The following ENOPH1 variants were observed in gnomAD, a reference collection of about 807,000 sequenced individuals.
ENOPH1 encodes enolase-phosphatase E1.
In ENOPH1, 14 loss-of-function variants were observed where a neutral mutation model predicts 31.1. The ratio of observed to expected loss-of-function variants is 0.45; its 90% CI spans 0.30 to 0.70. The LOEUF (loss-of-function observed/expected upper bound fraction) is 0.70, where lower values mean the gene tolerates loss of function less well. Among genes scored for constraint, ENOPH1 ranks in the 30% least tolerant of loss-of-function variants. The pLI is 0.09. For synonymous variants in ENOPH1, 127 were observed against 123.2 expected (o/e 1.03, Z -0.21); for missense variants, 243 against 321.5 (o/e 0.76, Z 1.87).
chr4:82,449,232 T>A (rs1006820786), intron 2 of ENOPH1, among the ~76,000 whole-genome samples: 2 of 152,142 alleles, frequency 1.3e-5, no homozygotes, highest in Non-Finnish European at 2.9e-5. Flanking sequence ...AGAGCAAGAC[T>A]CCGTCTCAAA....
intron 5 of ENOPH1, among the ~76,000 whole-genome samples, chr4:82,459,098 T>C (rs890610223): frequency 6.6e-6 from 1 of 152,166 alleles, no homozygotes; most frequent in Admixed American, 6.5e-5. Context: ...TATATATATA[T>C]TCCAGATTTC....
chr4:82,440,068 A>G (rs953796005), intron 1 of ENOPH1, among the ~76,000 whole-genome samples: 3 of 152,190 alleles, frequency 2.0e-5, no homozygotes, highest in African/African-American at 7.2e-5. Context: ...TTTGGGGATC[A>G]TTAGTATAAA....
chr4:82,436,017 A>G (rs1177701668), intron 1 of ENOPH1, among the ~76,000 whole-genome samples: 1 of 152,196 alleles, frequency 6.6e-6, no homozygotes, highest in Non-Finnish European at 1.5e-5. Flanking sequence ...GAGGAAATAG[A>G]AAGTGCTTAT....
chr4:82,456,960 A>G lies in ENOPH1; in HGVS notation c.568A>G (p.Ser190Gly). The G allele has an allele frequency of 6.2e-7, 1 of 1,614,132 alleles. No homozygotes were observed. Among genetic ancestry groups the G allele is most frequent in the Non-Finnish European group, 8.5e-7 (1 of 1,180,000 alleles). The change falls in exon 5 of 6, where the codon AGT (serine) becomes GGT (glycine). Residue 190 changes from serine (S) to glycine (G), a missense_variant. Ser to Gly is a moderately conservative substitution (Grantham distance 56). Coordinates refer to ENST00000273920, the MANE Select transcript of ENOPH1 (RefSeq NM_021204.5). ...FDTKIGHKVE[S>G]ESYRKIADSI... ...TACCAAGATTGGACACAAAGTAGAG[A>G]GTGAAAGTTACCGAAAGATTGCAGA...
intron 4 of ENOPH1, among the ~76,000 whole-genome samples, chr4:82,455,626 A>C (rs563849161): frequency 4.4e-5 from 1 of 22,926 alleles, no homozygotes; most frequent in Non-Finnish European, 6.5e-5. Flanking sequence ...TAAAAATACA[A>C]AAAAAAAAAA....
At chr4:82,431,713 G>A (rs1310371078) in intron 1 of ENOPH1, among the ~76,000 whole-genome samples, 1 of 152,092 alleles carries the variant, frequency 6.6e-6, no homozygotes, top group Admixed American at 6.5e-5. Context: ...CTCGGGCCTT[G>A]TCTTTTTATT....
At chr4:82,450,045 T>C (rs1722307569) in intron 2 of ENOPH1, among the ~76,000 whole-genome samples, 1 of 152,236 alleles carries the variant, frequency 6.6e-6, no homozygotes, top group Admixed American at 6.5e-5. Context: ...GCAGTTATTT[T>C]CTAGTTCTAT....
At chr4:82,441,661 A>G (rs1186073628) in intron 1 of ENOPH1, among the ~76,000 whole-genome samples, 3 of 151,990 alleles carry the variant, frequency 2.0e-5, no homozygotes, top group Non-Finnish European at 4.4e-5. Flanking sequence ...AGTAAAAACC[A>G]TCAGATCTTG....
intron 1 of ENOPH1, among the ~76,000 whole-genome samples, chr4:82,445,378 C>T (rs1462652680): frequency 6.6e-6 from 1 of 152,190 alleles, no homozygotes; most frequent in Admixed American, 6.5e-5. Flanking sequence ...TTGATTATTT[C>T]ATGTACATAC....
intron 1 of ENOPH1, among the ~76,000 whole-genome samples, chr4:82,434,894 G>T (rs1057168127): frequency 6.8e-6 from 1 of 147,048 alleles, no homozygotes; most frequent in South Asian, 2.1e-4. Context: ...GTGACAGAGC[G>T]AGACTGTCTT....
At chr4:82,438,638 C>T (rs1578094016) in intron 1 of ENOPH1, among the ~76,000 whole-genome samples, 1 of 152,146 alleles carries the variant, frequency 6.6e-6, no homozygotes, top group East Asian at 1.9e-4. Context: ...GCCTGGGTGA[C>T]AGAGCTGGAA....
chr4:82,459,906 T>G, intron 5 of ENOPH1, 75 bp from the exon 6 acceptor site: 1 of 1,547,276 alleles, frequency 6.5e-7, no homozygotes. Flanking sequence ...CACATCCCCC[T>G]GCTGACTTTG....
rs1374898720 is a variant in ENOPH1 at position 82,460,040 on chromosome 4, G to A, written c.706G>A (p.Ala236Thr). 3 of 1,613,990 alleles carry A rather than the reference G, an allele frequency of 1.9e-6. No individual in the cohort carries two copies. Among genetic ancestry groups the A allele is most frequent in the Non-Finnish European group, 1.7e-6 (2 of 1,180,022 alleles). The change falls in exon 6 of 6, where the codon GCA becomes ACA. Residue 236 changes from alanine (A) to threonine (T), a missense_variant. Physicochemically the swap from Ala to Thr is moderately conservative, Grantham distance 58. Coordinates refer to ENST00000273920, the MANE Select transcript of ENOPH1 (RefSeq NM_021204.5). ...HVAVVVRPGN[A>T]GLTDDEKTYY... Reference sequence around the variant, plus strand: ...AGCTGTGGTGGTGAGACCAGGCAACGCAGGATTAACAGATGATGAGAAGAC... The same window carrying A: ...AGCTGTGGTGGTGAGACCAGGCAACACAGGATTAACAGATGATGAGAAGAC...
intron 1 of ENOPH1, among the ~76,000 whole-genome samples, chr4:82,444,099 T>C (rs1722117371): frequency 6.6e-6 from 1 of 152,236 alleles, no homozygotes; most frequent in African/African-American, 2.4e-5. Flanking sequence ...GGTCTCGAAC[T>C]CCTGACTTCA....
In ENOPH1 at chr4:82,431,203, G is replaced by T. The variant is rs185938564; in HGVS notation, c.84+290G>T. Among the ~76,000 whole-genome samples, 17 of 152,372 alleles carry T rather than the reference G, an allele frequency of 1.1e-4. No homozygotes were observed. The East Asian group carries it at 3.1e-3, about 28-fold the overall frequency. ...CGAAGGGCAGGTAAGCCGGGGCGGG[G>T]TGTGACGGTGCGGGCCTCGCCACCC... On this transcript the variant is annotated intron_variant, in intron 1 of 5. Transcript: ENST00000273920.
At chr4:82,452,281 A>G (rs1225846079) in intron 3 of ENOPH1, among the ~76,000 whole-genome samples, 1 of 151,768 alleles carries the variant, frequency 6.6e-6, no homozygotes, top group Admixed American at 6.6e-5. Context: ...TGTCCATACC[A>G]TATTGCTGAT....
rs570208897 is a variant in ENOPH1 at position 82,447,940 on chromosome 4, C to T, written c.105C>T (p.Ile35=). 1.9e-5 allele frequency: 31 copies of T among 1,606,204 alleles called. No homozygotes were observed. The South Asian group carries it at 2.4e-4, about 13-fold the overall frequency. ...TCCAGGACATTTTATTTCCTTACAT[C>T]GAAGAAAATGTTAAAGAGTATCTGC... ...AFVKDILFPY[I]EENVKEYLQT... The change falls in exon 2 of 6, where the codon ATC becomes ATT. Residue 35 remains isoleucine (I), a synonymous_variant. Transcript: ENST00000273920.
At chr4:82,431,155 T>C (rs1721743619) in intron 1 of ENOPH1, among the ~76,000 whole-genome samples, 1 of 152,094 alleles carries the variant, frequency 6.6e-6, no homozygotes, top group Non-Finnish European at 1.5e-5. Context: ...TGGGAAGGGA[T>C]GGAAGTTGAC....
intron 1 of ENOPH1, among the ~76,000 whole-genome samples, chr4:82,435,846 A>G (rs77519066): frequency 0.04 from 6,079 of 152,282 alleles, 412 homozygotes; most frequent in African/African-American, 0.14. Context: ...ATCTTCATTC[A>G]GTCTACGGAT....
Sources: gnomAD v4.1 joint callset for allele counts (sites outside exome capture counted in the v4.1 genomes callset) on GRCh38, gnomAD v4.1.1 for gene constraint, MANE v1.5 for transcripts, NCBI Gene and HGNC (gene_info 2026-07-23, HGNC 2026-07-21) for gene names.